The following CNTNAP2 variants were observed in gnomAD, a reference collection of about 807,000 sequenced individuals.
The protein encoded by CNTNAP2 is contactin-associated protein-like 2.
A neutral mutation model predicts 155.2 loss-of-function variants in CNTNAP2; 98 were observed. That is an observed-to-expected ratio of 0.63 (90% confidence interval 0.54 to 0.75). CNTNAP2 has a LOEUF of 0.75. Ranked by LOEUF, CNTNAP2 falls within the 30% of genes least tolerant of loss-of-function variation. CNTNAP2 has a pLI of 0.00. For synonymous variants in CNTNAP2, 651 were observed against 631.2 expected (o/e 1.03, Z -0.47); for missense variants, 1,727 against 1,688.1 (o/e 1.02, Z -0.40).
intron 1 of CNTNAP2, among the ~76,000 whole-genome samples, chr7:146,757,643 A>C (rs1325950489): frequency 6.6e-6 from 1 of 152,184 alleles, no homozygotes; most frequent in African/African-American, 2.4e-5. Context: ...TTGACAACTA[A>C]ATGGAAATTA....
At chr7:148,149,093 C>A (rs772814447) in intron 17 of CNTNAP2, among the ~76,000 whole-genome samples, 1 of 152,192 alleles carries the variant, frequency 6.6e-6, no homozygotes, top group Non-Finnish European at 1.5e-5. Flanking sequence ...TCTGAACATG[C>A]TGGGTAGATT....
At chr7:148,397,101 T>C (rs573009375) in intron 22 of CNTNAP2, among the ~76,000 whole-genome samples, 1 of 152,352 alleles carries the variant, frequency 6.6e-6, no homozygotes, top group South Asian at 2.1e-4. Context: ...TGGCCACATG[T>C]GGTAGGCAAA....
At chr7:147,491,556 A>C (rs527508951) in intron 11 of CNTNAP2, among the ~76,000 whole-genome samples, 23 of 152,328 alleles carry the variant, frequency 1.5e-4, no homozygotes, top group African/African-American at 5.1e-4. Context: ...TGGTCTCTGC[A>C]TCTCTGGCAG....
chr7:147,190,868 C>T (rs1187867505), intron 8 of CNTNAP2, among the ~76,000 whole-genome samples: 1 of 152,066 alleles, frequency 6.6e-6, no homozygotes, highest in African/African-American at 2.4e-5. Flanking sequence ...GTTAACTGAA[C>T]CGATCTCAGA....
chr7:148,372,095 G>A (rs113903962), intron 21 of CNTNAP2, among the ~76,000 whole-genome samples: 3,754 of 152,114 alleles, frequency 0.025, 159 homozygotes, highest in African/African-American at 0.086. Context: ...CCAGCTACTC[G>A]GGAGGCTGAG....
In CNTNAP2 at chr7:146,511,667, G is replaced by T. The variant is rs980472269; in HGVS notation, c.98-262604G>T. ...TGAATGATCTTTTTAATATGTTATT[G>T]AATTATGTTTGCTAGTATTTTGTTG... is the stretch of plus-strand genomic sequence containing the variant. On this transcript the variant is annotated intron_variant, in intron 1 of 23. Coordinates refer to ENST00000361727, the MANE Select transcript of CNTNAP2 (RefSeq NM_014141.6). Among the ~76,000 whole-genome samples, 112 of 152,036 alleles carry T rather than the reference G, an allele frequency of 7.4e-4. 1 individual carries two copies. Among genetic ancestry groups the T allele is most frequent in the African/African-American group, 2.6e-3 (106 of 41,418 alleles).
intron 2 of CNTNAP2, among the ~76,000 whole-genome samples, chr7:146,812,533 T>G (rs981949728): frequency 6.6e-6 from 1 of 151,664 alleles, no homozygotes; most frequent in African/African-American, 2.4e-5. Context: ...ATGTGCCATG[T>G]TGGTGTGCTG....
chr7:148,346,646 C>T (rs1264960182), intron 21 of CNTNAP2, among the ~76,000 whole-genome samples: 1 of 151,740 alleles, frequency 6.6e-6, no homozygotes, highest in African/African-American at 2.4e-5. Context: ...GTGGCAGGCA[C>T]CTATAATCCC....
At chr7:147,269,132 A>G (rs959953144) in intron 8 of CNTNAP2, among the ~76,000 whole-genome samples, 2 of 152,190 alleles carry the variant, frequency 1.3e-5, no homozygotes, top group African/African-American at 4.8e-5. Flanking sequence ...CTGAATCTAA[A>G]GCTTAATTCA....
intron 10 of CNTNAP2, among the ~76,000 whole-genome samples, chr7:147,476,542 C>T (rs1485287588): frequency 6.6e-6 from 1 of 152,136 alleles, no homozygotes; most frequent in African/African-American, 2.4e-5. Flanking sequence ...TCTCATCTTC[C>T]TTCTACCTAC....
intron 15 of CNTNAP2, among the ~76,000 whole-genome samples, chr7:148,068,994 C>A (rs1287233318): frequency 1.3e-5 from 2 of 152,210 alleles, no homozygotes. Flanking sequence ...AGGAGCTCAC[C>A]AGGTTCCTAA....
At chr7:147,274,537 GT>G (rs1804850333) in intron 8 of CNTNAP2, among the ~76,000 whole-genome samples, 1 of 151,796 alleles carries the variant, frequency 6.6e-6, no homozygotes, top group African/African-American at 2.4e-5. Context: ...GTTTAATGAA[GT>G]TGTTCTTTGA....
At chr7:147,594,346 G>A (rs1252155546) in intron 12 of CNTNAP2, among the ~76,000 whole-genome samples, 5 of 152,104 alleles carry the variant, frequency 3.3e-5, no homozygotes, top group Non-Finnish European at 7.4e-5. Context: ...TCAGGAGCTG[G>A]CAGTGGCTTG....
At chr7:146,613,011 C>A (rs1256611337) in intron 1 of CNTNAP2, among the ~76,000 whole-genome samples, 1 of 151,078 alleles carries the variant, frequency 6.6e-6, no homozygotes, top group Non-Finnish European at 1.5e-5. Context: ...CCACTCACTA[C>A]CAATTGCTCT....
intron 10 of CNTNAP2, among the ~76,000 whole-genome samples, chr7:147,415,858 G>C (rs1192352746): frequency 6.6e-6 from 1 of 152,122 alleles, no homozygotes; most frequent in Non-Finnish European, 1.5e-5. Flanking sequence ...CACCGGACAG[G>C]CCAAGGTGCA....
chr7:146,595,619 A>G (rs918457560), intron 1 of CNTNAP2, among the ~76,000 whole-genome samples: 4 of 152,074 alleles, frequency 2.6e-5, no homozygotes. Flanking sequence ...AAGCTGCAAA[A>G]TTGCCTATAT....
chr7:146,382,527 T>G (rs934887546), intron 1 of CNTNAP2, among the ~76,000 whole-genome samples: 5 of 152,212 alleles, frequency 3.3e-5, no homozygotes, highest in Non-Finnish European at 5.9e-5. Context: ...AACTTACTAT[T>G]AATAAAATTG....
At chr7:146,859,642 G>A (rs947756775) in intron 3 of CNTNAP2, among the ~76,000 whole-genome samples, 3 of 151,542 alleles carry the variant, frequency 2.0e-5, no homozygotes, top group African/African-American at 7.3e-5. Context: ...CTGGGAAAGA[G>A]GAGTGAAATT....
At chr7:146,721,711 CTA>C (rs1242878725) in intron 1 of CNTNAP2, among the ~76,000 whole-genome samples, 4 of 94,324 alleles carry the variant, frequency 4.2e-5, no homozygotes, top group Non-Finnish European at 5.5e-5. Flanking sequence ...TATATACATT[CTA>C]TATATATTCT....
Sources: gnomAD v4.1 joint callset for allele counts (sites outside exome capture counted in the v4.1 genomes callset) on GRCh38, gnomAD v4.1.1 for gene constraint, MANE v1.5 for transcripts, NCBI Gene and HGNC (gene_info 2026-07-23, HGNC 2026-07-21) for gene names.